The following UTP20 variants were observed in gnomAD, a reference collection of about 807,000 sequenced individuals.
UTP20 encodes small subunit processome component 20 homolog.
A neutral mutation model predicts 329.5 loss-of-function variants in UTP20; 164 were observed. The observed-to-expected ratio is 0.50, with a 90% confidence interval of 0.44 to 0.57. The LOEUF is 0.57. UTP20 is among the 20% of genes least tolerant of loss of function. The pLI, the probability that UTP20 is intolerant of heterozygous loss-of-function variation, is 0.00. For synonymous variants in UTP20, 1,151 were observed against 1,159.3 expected (o/e 0.99, Z 0.14); for missense variants, 3,055 against 3,284.2 (o/e 0.93, Z 1.71).
chr12:101,309,814 T>G lies in UTP20; in HGVS notation c.2206T>G (p.Trp736Gly). The G allele has an allele frequency of 3.1e-6, 5 of 1,613,664 alleles. No individual in the cohort carries two copies. Among genetic ancestry groups the G allele is most frequent in the Non-Finnish European group, 4.2e-6 (5 of 1,179,936 alleles). ...GMLYINFSAL[W>G]DPVIELISSH... ...GCTATATATTAATTTCAGTGCACTC[T>G]GGGATCCTGTTATTGAACTCATAAG... The change falls in exon 19 of 62, where the codon TGG (tryptophan) becomes GGG (glycine). Residue 736 changes from tryptophan (W) to glycine (G), a missense_variant. Physicochemically the swap from Trp to Gly is radical, Grantham distance 184 (BLOSUM62 -2). This residue lies in a region of UTP20 where 2,445 missense variants were observed against 2,575.5 expected (regional missense o/e 0.95). Transcript: ENST00000261637.
intron 30 of UTP20, 105 bp from the exon 31 acceptor site, chr12:101,338,702 TAACTTA>T: frequency 1.1e-6 from 1 of 879,856 alleles, no homozygotes; most frequent in Non-Finnish European, 1.6e-6. Context: ...AATTGAAATT[TAACTTA>T]AATGTTCATA....
intron 40 of UTP20, among the ~76,000 whole-genome samples, chr12:101,354,277 A>G (rs1026338342): frequency 5.5e-4 from 73 of 133,928 alleles, no homozygotes; most frequent in African/African-American, 2.5e-3. Flanking sequence ...AAAAAAAAAA[A>G]AAAAAAAGAA....
intron 40 of UTP20, among the ~76,000 whole-genome samples, chr12:101,354,320 A>AAAACACC (rs913849356): frequency 1.3e-5 from 2 of 152,070 alleles, no homozygotes; most frequent in African/African-American, 4.8e-5. Context: ...TCATCTGATG[A>AAAACACC]AAACACCAGG....
chr12:101,386,132 T>C lies in UTP20; in HGVS notation c.*9T>C, dbSNP rs761357803. Reference sequence around the variant, plus strand: ...TAGCAATGGTGGAGTAATGTCTCCCTGTGCTGATACAAGCATGAACTTTCT... The same window carrying C: ...TAGCAATGGTGGAGTAATGTCTCCCCGTGCTGATACAAGCATGAACTTTCT... On this transcript the variant is annotated 3_prime_UTR_variant, in exon 62 of 62. Transcript: ENST00000261637. 6.3e-7 allele frequency: 1 copy of C among 1,596,520 alleles called. No homozygotes were observed. The highest frequency in any genetic ancestry group is 8.5e-7 in the Non-Finnish European group (1 of 1,176,074).
intron 41 of UTP20, among the ~76,000 whole-genome samples, chr12:101,356,156 C>T (rs1869714394): frequency 6.6e-6 from 1 of 152,172 alleles, no homozygotes; most frequent in Admixed American, 6.6e-5. Flanking sequence ...GATGGACTTT[C>T]CCTCTTGTTG....
intron 29 of UTP20, among the ~76,000 whole-genome samples, chr12:101,335,353 A>G (rs951428154): frequency 6.6e-6 from 1 of 152,220 alleles, no homozygotes; most frequent in African/African-American, 2.4e-5. Context: ...TGTTCTTCCA[A>G]TATATGTAAT....
At position 101,383,198 on chromosome 12, in the gene UTP20, AGAAGGAAGAGGT is replaced by A. The variant is rs1870708634; in HGVS notation, c.7825_7836del (p.Val2609_Glu2612del). ...GAGAAGGCGGAGTCTGACGGAGAAG[AGAAGGAAGAGGT>A]GAAGGAAGAGCTCGGCAGGCCGGCC... On this transcript the variant is annotated inframe_deletion, in exon 59 of 62. Coordinates refer to ENST00000261637, the MANE Select transcript of UTP20 (RefSeq NM_014503.3). 2 of 1,614,056 alleles carry A rather than the reference AGAAGGAAGAGGT, an allele frequency of 1.2e-6. No homozygotes were observed. The highest frequency in any genetic ancestry group is 2.7e-5 in the African/African-American group (2 of 74,918).
At chr12:101,326,376 TTC>T (rs1868557758) in intron 25 of UTP20, among the ~76,000 whole-genome samples, 1 of 152,182 alleles carries the variant, frequency 6.6e-6, no homozygotes, top group Non-Finnish European at 1.5e-5. Context: ...GTTTCCCTCT[TTC>T]TCTCTGCTAT....
At chr12:101,326,933 A>T (rs533968521) in intron 25 of UTP20, 148 bp from the exon 26 acceptor site, 11 of 839,208 alleles carry the variant, frequency 1.3e-5, no homozygotes, top group Non-Finnish European at 1.9e-5. Context: ...TGTCTGTGTT[A>T]AATATCTAAT....
intron 8 of UTP20, 63 bp from the exon 9 acceptor site, chr12:101,291,679 A>G: frequency 5.5e-6 from 8 of 1,465,972 alleles, no homozygotes; most frequent in Non-Finnish European, 7.2e-6. Flanking sequence ...CACAGTTTTT[A>G]TTGTTGGATT....
intron 12 of UTP20, among the ~76,000 whole-genome samples, chr12:101,296,855 G>T (rs1230092049): frequency 1.3e-5 from 2 of 152,194 alleles, no homozygotes; most frequent in African/African-American, 2.4e-5. Context: ...ATGACACATT[G>T]TTTAGAAGTT....
intron 27 of UTP20, among the ~76,000 whole-genome samples, chr12:101,331,782 G>A (rs927717930): frequency 1.3e-5 from 2 of 152,028 alleles, no homozygotes; most frequent in South Asian, 4.1e-4. Flanking sequence ...TTTAATGTAG[G>A]TAATTAAGGT....
rs1156828621 is a variant in UTP20 at position 101,385,636 on chromosome 12, G to A, written c.8110G>A (p.Val2704Ile). 1 of 1,613,934 alleles carries A rather than the reference G, an allele frequency of 6.2e-7. No individual in the cohort carries two copies. The highest frequency in any genetic ancestry group is 8.5e-7 in the Non-Finnish European group (1 of 1,179,990). The change falls in exon 61 of 62, where the codon GTT becomes ATT. Residue 2704 changes from valine (V) to isoleucine (I), a missense_variant. Transcript: ENST00000261637. Reference sequence around the variant, plus strand: ...AATCATAGAATTACTCAAAAAGCTGGTTGGGCTTGAGAGCTTCTCATTAGC... The same window carrying A: ...AATCATAGAATTACTCAAAAAGCTGATTGGGCTTGAGAGCTTCTCATTAGC... The part of the protein sequence containing the change: ...QEIIELLKKL[V>I]GLESFSLAFA...
At chr12:101,385,137 C>T (rs973577734) in intron 60 of UTP20, among the ~76,000 whole-genome samples, 5 of 151,612 alleles carry the variant, frequency 3.3e-5, no homozygotes, top group African/African-American at 1.2e-4. Flanking sequence ...CAGAGCTAAG[C>T]CTCTGTGACC....
chr12:101,362,432 T>C (rs1017578096), intron 44 of UTP20, among the ~76,000 whole-genome samples: 2 of 152,120 alleles, frequency 1.3e-5, no homozygotes, highest in African/African-American at 4.8e-5. Flanking sequence ...GGCCAGGCAC[T>C]GTGGCTCATG....
rs1872814690 is a variant in UTP20, at chr12:101,312,191, C to G, written c.2467C>G (p.Leu823Val). ...ERLDHTNFRFLLWRALTKFPE... is the reference protein window; with the variant it reads ...ERLDHTNFRFVLWRALTKFPE... ...ACTTGACCACACCAACTTCAGATTCCTGCTCTGGAGAGCTCTGACCAAATT... is the reference window on the plus strand; with the variant it reads ...ACTTGACCACACCAACTTCAGATTCGTGCTCTGGAGAGCTCTGACCAAATT... Residue 823 changes from leucine to valine, a missense_variant, in exon 21 of 62, where the codon CTG (leucine) becomes GTG (valine). Physicochemically the swap from Leu to Val is conservative, Grantham distance 32. Transcript: ENST00000261637. 6.2e-7 allele frequency: 1 copy of G among 1,614,208 alleles called. No homozygotes were observed. The highest frequency in any genetic ancestry group is 1.6e-4 in the Middle Eastern group (1 of 6,062).
Position 101,363,672 on chromosome 12 carries a change from G to T in UTP20, c.5887G>T (p.Asp1963Tyr), listed in dbSNP as rs867034932. Residue 1963 changes from aspartate (D) to tyrosine (Y), a missense_variant, in exon 45 of 62, where the codon GAC becomes TAC. Asp to Tyr is a radical substitution (Grantham distance 160, BLOSUM62 -3). Coordinates refer to ENST00000261637, the MANE Select transcript of UTP20 (RefSeq NM_014503.3). ...VMEARRSKSY[D>Y]SYEILGKFVG... ...GGAAGCACGAAGAAGCAAAAGTTAC[G>T]ACTCTTATGAAATCCTCGGCAAGTT... 3 of 1,613,328 alleles carry T rather than the reference G, an allele frequency of 1.9e-6. No homozygotes were observed. The highest frequency in any genetic ancestry group is 1.6e-4 in the Middle Eastern group (1 of 6,062).
At chr12:101,370,404 C>T in intron 49 of UTP20, 28 bp from the exon 50 acceptor site, 2 of 1,603,822 alleles carry the variant, frequency 1.2e-6, no homozygotes, top group Non-Finnish European at 1.7e-6. Context: ...GATGTGCTGG[C>T]TGTTAACATC....
intron 54 of UTP20, among the ~76,000 whole-genome samples, chr12:101,374,590 TAATG>T (rs1870411150): frequency 6.6e-6 from 1 of 152,212 alleles, no homozygotes; most frequent in Non-Finnish European, 1.5e-5. Flanking sequence ...TGGATAATAA[TAATG>T]CCTCTTTTTA....
Sources: allele counts gnomAD v4.1 joint callset (sites outside exome capture counted in the v4.1 genomes callset), GRCh38; gene constraint gnomAD v4.1.1; regional missense constraint gnomAD v4.1.1; transcripts MANE v1.5; gene names NCBI Gene and HGNC (gene_info 2026-07-23, HGNC 2026-07-21).